ZCCHC4: variants seen among roughly 807,000 people sequenced by gnomAD.
The protein encoded by ZCCHC4 is zinc finger CCHC-type containing 4, also known as rRNA N(6)-adenosine-methyltransferase ZCCHC4.
ZCCHC4 carries 54 observed loss-of-function variants against 67.7 expected under a neutral mutation model. The observed-to-expected ratio is 0.80, with a 90% confidence interval of 0.64 to 1.00. ZCCHC4 has a LOEUF of 1.00. Ranked by LOEUF, ZCCHC4 falls within the 50% of genes least tolerant of loss-of-function variation. The pLI is 0.00. For synonymous variants in ZCCHC4, 198 were observed against 213.5 expected (o/e 0.93, Z 0.63); for missense variants, 609 against 617.0 (o/e 0.99, Z 0.14).
At chr4:25,339,098 G>A (rs529655050) in intron 5 of ZCCHC4, among the ~76,000 whole-genome samples, 16 of 152,238 alleles carry the variant, frequency 1.1e-4, no homozygotes, top group Admixed American at 1.3e-4. Flanking sequence ...CTCTTTGTGT[G>A]CGTATCCCTG....
At chr4:25,324,448 C>G (rs77510705) in intron 3 of ZCCHC4, among the ~76,000 whole-genome samples, 2,904 of 152,232 alleles carry the variant, frequency 0.019, 93 homozygotes, top group African/African-American at 0.064. Context: ...ATGGATATTT[C>G]CATTCATCTG....
intron 3 of ZCCHC4, among the ~76,000 whole-genome samples, chr4:25,329,218 A>T (rs1309486853): frequency 1.3e-5 from 2 of 152,140 alleles, no homozygotes. Flanking sequence ...TAATTTTATT[A>T]TGATGTGTCT....
chr4:25,327,401 CTT>C, intron 3 of ZCCHC4, among the ~76,000 whole-genome samples: 1 of 125,094 alleles, frequency 8.0e-6, no homozygotes, highest in African/African-American at 3.9e-5. Flanking sequence ...TCCCTCCCTC[CTT>C]CCCTCCTTCC....
intron 3 of ZCCHC4, among the ~76,000 whole-genome samples, chr4:25,317,120 G>A (rs1193933070): frequency 6.6e-6 from 1 of 152,156 alleles, no homozygotes; most frequent in African/African-American, 2.4e-5. Flanking sequence ...AAAGCCTCTT[G>A]TCTAGGTTAC....
chr4:25,335,607 A>G (rs538195132), intron 5 of ZCCHC4, among the ~76,000 whole-genome samples: 36 of 152,130 alleles, frequency 2.4e-4, no homozygotes, highest in African/African-American at 8.4e-4. Context: ...TAAAAATACA[A>G]AAATTAGCTG....
At chr4:25,356,907 TAGAA>T (rs1185109345) in intron 8 of ZCCHC4, among the ~76,000 whole-genome samples, 2 of 152,146 alleles carry the variant, frequency 1.3e-5, no homozygotes, top group African/African-American at 4.8e-5. Context: ...TTTTCAAAGT[TAGAA>T]AGAAACAGGT....
intron 3 of ZCCHC4, among the ~76,000 whole-genome samples, chr4:25,316,183 A>G (rs1230309270): frequency 2.0e-5 from 3 of 152,240 alleles, no homozygotes; most frequent in Non-Finnish European, 4.4e-5. Context: ...ACTGAATAAT[A>G]TCCGTTGTCT....
At chr4:25,365,314 G>A in intron 12 of ZCCHC4, 148 bp downstream of exon 12, 16 of 1,420,794 alleles carry the variant, frequency 1.1e-5, no homozygotes, top group Non-Finnish European at 1.5e-5. Context: ...ATGGATGGAG[G>A]GAGGAGAGGA....
chr4:25,330,782 G>T lies in ZCCHC4; in HGVS notation c.330-2401G>T, dbSNP rs138436261. Among the ~76,000 whole-genome samples, 1,494 of 152,268 alleles carry T rather than the reference G, an allele frequency of 9.8e-3. 9 individuals are homozygous for T. Among genetic ancestry groups the T allele is most frequent in the Non-Finnish European group, 0.015 (1,039 of 68,030 alleles). On this transcript the variant is annotated intron_variant, in intron 3 of 12. Transcript: ENST00000302874. Reference sequence around the variant, plus strand: ...TTGTGAGGCATTTCCACTCTGGCTTGTTGGGAGACAAACCATTCTGGACCT... The same window carrying T: ...TTGTGAGGCATTTCCACTCTGGCTTTTTGGGAGACAAACCATTCTGGACCT...
chr4:25,343,082 T>C (rs948117122), intron 5 of ZCCHC4, among the ~76,000 whole-genome samples: 3 of 152,226 alleles, frequency 2.0e-5, no homozygotes, highest in Admixed American at 6.5e-5. Flanking sequence ...TCAAATGATA[T>C]CATGTTTACA....
chr4:25,364,227 C>T (rs778373423), intron 10 of ZCCHC4, among the ~76,000 whole-genome samples: 1 of 152,024 alleles, frequency 6.6e-6, no homozygotes, highest in Non-Finnish European at 1.5e-5. Flanking sequence ...GATAAATCTC[C>T]TAGTTTTACA....
At chr4:25,347,582 C>G (rs922365625) in intron 6 of ZCCHC4, among the ~76,000 whole-genome samples, 4 of 152,122 alleles carry the variant, frequency 2.6e-5, no homozygotes, top group Middle Eastern at 3.2e-3. Flanking sequence ...CTACCTACTC[C>G]CAGAGTCAAG....
chr4:25,323,408 T>TG (rs1560399250), intron 3 of ZCCHC4, among the ~76,000 whole-genome samples: 2 of 40,574 alleles, frequency 4.9e-5, no homozygotes. Context: ...TTCTGTTGTG[T>TG]TTTTTTTTCA....
intron 5 of ZCCHC4, among the ~76,000 whole-genome samples, chr4:25,345,012 A>G (rs967778344): frequency 6.6e-6 from 1 of 152,096 alleles, no homozygotes; most frequent in Admixed American, 6.5e-5. Flanking sequence ...CATGTTGCCC[A>G]GGTTGGTCTC....
At chr4:25,340,702 G>A (rs1560407981) in intron 5 of ZCCHC4, among the ~76,000 whole-genome samples, 1 of 151,948 alleles carries the variant, frequency 6.6e-6, no homozygotes, top group Non-Finnish European at 1.5e-5. Context: ...TAAGTTTTGT[G>A]CTTCTTTTAT....
chr4:25,355,893 G>A (rs902841406), intron 8 of ZCCHC4, among the ~76,000 whole-genome samples: 6 of 152,202 alleles, frequency 3.9e-5, no homozygotes, highest in Non-Finnish European at 8.8e-5. Context: ...AGCAGAAGAA[G>A]GTACTGGGGA....
At position 25,361,955 on chromosome 4, in the gene ZCCHC4, A is replaced by G; in HGVS notation, c.1108A>G (p.Ile370Val). The part of the protein sequence containing the change: ...IFTNIPPNKI[I>V]LPTEEGYRFC... ...CACCAACATTCCGCCCAACAAAATA[A>G]TCCTTCCTACTGAAGAAGGGTACAG... The change falls in exon 9 of 13, where the codon ATC becomes GTC. Residue 370 changes from isoleucine (I) to valine (V), a missense_variant. Ile to Val is a conservative substitution (Grantham distance 29). Transcript: ENST00000302874. 6.2e-7 allele frequency: 1 copy of G among 1,614,076 alleles called. No individual in the cohort carries two copies. Among genetic ancestry groups the G allele is most frequent in the Middle Eastern group, 1.6e-4 (1 of 6,062 alleles).
chr4:25,342,024 C>G lies in ZCCHC4; in HGVS notation c.687-3524C>G, dbSNP rs1440956188. On this transcript the variant is annotated intron_variant, in intron 5 of 12. Coordinates refer to ENST00000302874, the MANE Select transcript of ZCCHC4 (RefSeq NM_024936.3). Reference sequence around the variant, plus strand: ...GATACTTTTTTTTCATGCTTATAAACTTTTGTGTGTGCCTTGCAAACAAAA... The same window carrying G: ...GATACTTTTTTTTCATGCTTATAAAGTTTTGTGTGTGCCTTGCAAACAAAA... Among the ~76,000 whole-genome samples, 3 of 152,042 alleles carry G rather than the reference C, an allele frequency of 2.0e-5. No individual in the cohort carries two copies. The South Asian group carries it at 6.2e-4, about 32-fold the overall frequency.
At chr4:25,325,681 A>G (rs975639961) in intron 3 of ZCCHC4, among the ~76,000 whole-genome samples, 1 of 152,204 alleles carries the variant, frequency 6.6e-6, no homozygotes, top group Non-Finnish European at 1.5e-5. Context: ...GTCATGACGA[A>G]GTTCATTTTA....
Sources: gnomAD v4.1 joint callset for allele counts (sites outside exome capture counted in the v4.1 genomes callset) on GRCh38, gnomAD v4.1.1 for gene constraint, MANE v1.5 for transcripts, NCBI Gene and HGNC (gene_info 2026-07-23, HGNC 2026-07-21) for gene names.